Variants in NKAIN3 observed in about 807,000 individuals in gnomAD.
NKAIN3 encodes the protein sodium/potassium transporting ATPase interacting 3, also known as sodium/potassium-transporting ATPase subunit beta-1-interacting protein 3.
NKAIN3 carries 25 observed loss-of-function variants against 30.2 expected under a neutral mutation model. That is an observed-to-expected ratio of 0.83 (90% CI 0.60 to 1.16). NKAIN3 has a LOEUF of 1.16. Ranked by LOEUF, NKAIN3 falls within the 50% of genes most tolerant of loss-of-function variation. The pLI is 0.00. For synonymous variants in NKAIN3, 91 were observed against 89.6 expected (o/e 1.02, Z -0.09); for missense variants, 225 against 254.1 (o/e 0.89, Z 0.78).
intron 3 of NKAIN3, among the ~76,000 whole-genome samples, chr8:62,622,401 C>T (rs979677238): frequency 6.6e-6 from 1 of 152,020 alleles, no homozygotes; most frequent in Admixed American, 6.6e-5. Flanking sequence ...TACATACCCA[C>T]TATCAATGTA....
At chr8:62,833,654 A>G (rs553040505) in intron 4 of NKAIN3, among the ~76,000 whole-genome samples, 61 of 152,136 alleles carry the variant, frequency 4.0e-4, no homozygotes, top group African/African-American at 1.4e-3. Context: ...TGAACAGACC[A>G]ATATCCAATT....
intron 1 of NKAIN3, among the ~76,000 whole-genome samples, chr8:62,349,471 A>T (rs1017062485): frequency 2.0e-5 from 3 of 152,202 alleles, no homozygotes; most frequent in African/African-American, 7.2e-5. Context: ...AGTAATTTGT[A>T]TACATTTAGT....
chr8:62,306,729 C>T (rs558085653), intron 1 of NKAIN3, among the ~76,000 whole-genome samples: 1 of 150,052 alleles, frequency 6.7e-6, no homozygotes, highest in South Asian at 2.1e-4. Flanking sequence ...GGCCAAAGAG[C>T]CAGGTAATAG....
At chr8:62,416,077 C>T (rs1585784366) in intron 1 of NKAIN3, among the ~76,000 whole-genome samples, 4 of 152,002 alleles carry the variant, frequency 2.6e-5, no homozygotes, top group African/African-American at 9.7e-5. Context: ...TCTTTTCATA[C>T]TCCTGAATAA....
At chr8:62,353,960 A>T (rs753414276) in intron 1 of NKAIN3, among the ~76,000 whole-genome samples, 7 of 152,206 alleles carry the variant, frequency 4.6e-5, no homozygotes, top group Admixed American at 2.0e-4. Flanking sequence ...AAAAGAAGCG[A>T]GTGTGCATAA....
In NKAIN3 at chr8:62,975,283, C is replaced by T. The variant is rs1018446395; in HGVS notation, c.*9876C>T. On this transcript the variant is annotated 3_prime_UTR_variant, in exon 7 of 7. Transcript: ENST00000623646. ...TGGTAGAGTTCAGCTATGAGTCCAT[C>T]TGGTCCTGGGCTTTTTTTTTTAGTT... is the stretch of plus-strand genomic sequence containing the variant. Among the ~76,000 whole-genome samples, 6 of 151,968 alleles carry T rather than the reference C, an allele frequency of 3.9e-5. No homozygotes were observed. Among genetic ancestry groups the T allele is most frequent in the African/African-American group, 1.4e-4 (6 of 41,386 alleles).
At chr8:62,728,819 T>G (rs1470632327) in intron 3 of NKAIN3, among the ~76,000 whole-genome samples, 1 of 149,296 alleles carries the variant, frequency 6.7e-6, no homozygotes, top group Non-Finnish European at 1.5e-5. Flanking sequence ...CAAAACCCCG[T>G]TTTTACTAAA....
chr8:62,953,291 A>T (rs1823334929), intron 5 of NKAIN3, among the ~76,000 whole-genome samples: 1 of 152,206 alleles, frequency 6.6e-6, no homozygotes, highest in Non-Finnish European at 1.5e-5. Flanking sequence ...ATACGTGTAC[A>T]TTAGAATTGG....
At chr8:62,706,479 G>A (rs1277011174) in intron 3 of NKAIN3, among the ~76,000 whole-genome samples, 1 of 151,914 alleles carries the variant, frequency 6.6e-6, no homozygotes, top group Non-Finnish European at 1.5e-5. Flanking sequence ...AATTGGGTTT[G>A]TCCCTACCCT....
intron 1 of NKAIN3, among the ~76,000 whole-genome samples, chr8:62,559,064 T>G (rs1446725148): frequency 6.6e-6 from 1 of 152,188 alleles, no homozygotes; most frequent in Non-Finnish European, 1.5e-5. Flanking sequence ...TCTTTTTAAT[T>G]TGTTGAAATT....
At chr8:62,484,446 T>C (rs1325860495) in intron 1 of NKAIN3, among the ~76,000 whole-genome samples, 2 of 152,214 alleles carry the variant, frequency 1.3e-5, no homozygotes, top group African/African-American at 4.8e-5. Flanking sequence ...TTCTGCTCCG[T>C]GGGGTTTGGG....
At chr8:62,348,894 A>G (rs540600771) in intron 1 of NKAIN3, among the ~76,000 whole-genome samples, 5 of 152,212 alleles carry the variant, frequency 3.3e-5, no homozygotes, top group African/African-American at 4.8e-5. Context: ...GTCCTACTCA[A>G]CAAAGGCAAG....
intron 1 of NKAIN3, among the ~76,000 whole-genome samples, chr8:62,353,249 G>C (rs1448044386): frequency 1.4e-4 from 21 of 152,360 alleles, no homozygotes; most frequent in Non-Finnish European, 1.3e-4. Flanking sequence ...GACAGGGTTA[G>C]TTTAAGTGTA....
chr8:62,411,951 G>T (rs1435198281), intron 1 of NKAIN3, among the ~76,000 whole-genome samples: 2 of 152,036 alleles, frequency 1.3e-5, no homozygotes, highest in Admixed American at 6.5e-5. Context: ...TGGATTAAAA[G>T]AATTAATATA....
At chr8:62,500,424 G>A (rs955959317) in intron 1 of NKAIN3, among the ~76,000 whole-genome samples, 3 of 103,668 alleles carry the variant, frequency 2.9e-5, no homozygotes, top group African/African-American at 1.1e-4. Context: ...AAGGAAGAAA[G>A]GAAAGAAAGA....
intron 4 of NKAIN3, among the ~76,000 whole-genome samples, chr8:62,910,278 TA>T (rs1174566959): frequency 6.6e-6 from 1 of 152,124 alleles, no homozygotes; most frequent in Non-Finnish European, 1.5e-5. Context: ...AGAACTTAAG[TA>T]AACACATATT....
rs181474515 is a variant in NKAIN3, at chr8:62,982,425, G to A, written c.*17018G>A. On this transcript the variant is annotated 3_prime_UTR_variant, in exon 7 of 7. Coordinates refer to ENST00000623646, the MANE Select transcript of NKAIN3 (RefSeq NM_001304533.3). ...CCTCACAACGATATGTGGTGGCCCC[G>A]CAGTCATTATGGTCTTGTTAAATAA... is the stretch of plus-strand genomic sequence containing the variant. 115 of 152,210 alleles carry A rather than the reference G, an allele frequency of 7.6e-4. No homozygotes were observed. The highest frequency in any genetic ancestry group is 2.4e-3 in the African/African-American group (101 of 41,532). The allele number at this position is 152,210 out of a possible 1,614,324, so 9.4% of individuals were successfully genotyped here.
chr8:62,628,141 A>G (rs1811845365), intron 3 of NKAIN3, among the ~76,000 whole-genome samples: 2 of 152,114 alleles, frequency 1.3e-5, no homozygotes, highest in South Asian at 4.1e-4. Flanking sequence ...GCTGAAGCCC[A>G]CAAAGATCAA....
At chr8:62,253,494 C>G (rs1041507414) in intron 1 of NKAIN3, among the ~76,000 whole-genome samples, 5 of 152,134 alleles carry the variant, frequency 3.3e-5, no homozygotes, top group African/African-American at 1.2e-4. Flanking sequence ...TGCTTGAGCC[C>G]AGGAGATCAA....
Sources: allele counts gnomAD v4.1 joint callset (sites outside exome capture counted in the v4.1 genomes callset), GRCh38; gene constraint gnomAD v4.1.1; transcripts MANE v1.5; gene names NCBI Gene and HGNC (gene_info 2026-07-23, HGNC 2026-07-21).